MOB1B: variants seen among roughly 807,000 people sequenced by gnomAD.
MOB1B encodes the protein MOB kinase activator 1B.
Under a neutral mutation model 24.4 loss-of-function variants are expected in MOB1B, and 19 were observed. That is an observed-to-expected ratio of 0.78 (90% CI 0.54 to 1.14). MOB1B has a LOEUF of 1.14. MOB1B is among the 50% of genes most tolerant of loss of function. The pLI is 0.00. For synonymous variants in MOB1B, 76 were observed against 82.1 expected, an observed-to-expected ratio of 0.93 and a Z score of 0.40; for missense variants, 243 against 259.6, an observed-to-expected ratio of 0.94 and a Z score of 0.44.
intron 2 of MOB1B, among the ~76,000 whole-genome samples, chr4:70,966,456 C>A (rs1309695135): frequency 6.6e-6 from 1 of 151,460 alleles, no homozygotes; most frequent in African/African-American, 2.4e-5. Flanking sequence ...CTCACCACAA[C>A]CTTTGCCTCC....
Position 70,984,055 on chromosome 4 carries a change from G to C in MOB1B, c.*1998G>C, listed in dbSNP as rs1180929052. 1 of 152,496 alleles carries C rather than the reference G, an allele frequency of 6.6e-6. No individual in the cohort carries two copies. Among genetic ancestry groups the C allele is most frequent in the Non-Finnish European group, 1.5e-5 (1 of 67,958 alleles). 9.4% of individuals were successfully genotyped at this position (152,496 alleles called of 1,614,324 possible). The stretch of plus-strand genomic sequence containing the variant: ...ACTTCATATCAATCTAGTAAAAAAG[G>C]AGTTGCAATAGCCAAGTATAGAGAG... On this transcript the variant is annotated 3_prime_UTR_variant, in exon 6 of 6. Coordinates refer to ENST00000309395, the MANE Select transcript of MOB1B (RefSeq NM_173468.4).
In MOB1B at chr4:70,976,605, CT is replaced by C. The variant is rs1397143956; in HGVS notation, c.409+1324del. The C allele has an allele frequency of 3.0e-6, 3 of 983,774 alleles. No homozygotes were observed. In the South Asian group the frequency reaches 1.4e-4, roughly 46 times the overall value. 60.9% of individuals were successfully genotyped at this position (983,774 alleles called of 1,614,324 possible). On this transcript the variant is annotated intron_variant, in intron 4 of 5. Transcript: ENST00000309395. ...AGAATCTGCTCCTGTAATGTTAGAACTTTTTGACATTTTACGATTTTTTTTG... is the reference window on the plus strand; with the variant it reads ...AGAATCTGCTCCTGTAATGTTAGAACTTTTGACATTTTACGATTTTTTTTG...
intron 2 of MOB1B, among the ~76,000 whole-genome samples, chr4:70,962,247 G>A (rs1453914171): frequency 6.6e-6 from 1 of 152,140 alleles, no homozygotes; most frequent in Non-Finnish European, 1.5e-5. Context: ...CATCACTGTA[G>A]TTGAGATCTC....
chr4:70,929,182 C>CTT (rs11362114), intron 1 of MOB1B, among the ~76,000 whole-genome samples: 3 of 95,116 alleles, frequency 3.2e-5, no homozygotes, highest in African/African-American at 1.0e-4. Flanking sequence ...TTCTTTCTTT[C>CTT]TTTTTTTTTT....
chr4:70,969,127 A>G (rs956275312), intron 2 of MOB1B, among the ~76,000 whole-genome samples: 1 of 152,076 alleles, frequency 6.6e-6, no homozygotes, highest in African/African-American at 2.4e-5. Flanking sequence ...TGCTTTATAA[A>G]TCTTAATACT....
At chr4:70,939,700 C>CA (rs573530860) in intron 1 of MOB1B, among the ~76,000 whole-genome samples, 137 of 152,336 alleles carry the variant, frequency 9.0e-4, no homozygotes, top group African/African-American at 2.8e-3. Context: ...CAAACCTCTA[C>CA]AGGGAGTGTG....
intron 1 of MOB1B, among the ~76,000 whole-genome samples, chr4:70,920,769 T>A (rs1736404852): frequency 6.6e-6 from 1 of 152,176 alleles, no homozygotes; most frequent in Non-Finnish European, 1.5e-5. Context: ...GTTTACAGAT[T>A]TTTGGGGGAA....
At chr4:70,959,593 C>T (rs1379316688) in intron 2 of MOB1B, among the ~76,000 whole-genome samples, 1 of 152,204 alleles carries the variant, frequency 6.6e-6, no homozygotes, top group African/African-American at 2.4e-5. Context: ...TTACTATCTT[C>T]ATTATAATAA....
At chr4:70,970,106 A>G in intron 3 of MOB1B, 82 bp downstream of exon 3, 1 of 774,654 alleles carries the variant, frequency 1.3e-6, no homozygotes, top group East Asian at 2.6e-5. Context: ...TGACCATATG[A>G]TTTTTCTACT....
At chr4:70,976,601 A>C in intron 4 of MOB1B, 3 of 985,024 alleles carry the variant, frequency 3.0e-6, no homozygotes, top group Non-Finnish European at 3.6e-6. Context: ...CTGTAATGTT[A>C]GAACTTTTTG....
At chr4:70,948,559 G>A (rs560802286) in intron 1 of MOB1B, among the ~76,000 whole-genome samples, 1 of 151,870 alleles carries the variant, frequency 6.6e-6, no homozygotes, top group Non-Finnish European at 1.5e-5. Flanking sequence ...CCTGTTTTTT[G>A]AATATAATAG....
At position 70,979,162 on chromosome 4, in the gene MOB1B, A is replaced by T. The variant is rs1403361222; in HGVS notation, c.444A>T (p.Ala148=). ...TCCCAAAGAATTTCATGTCTGTGGCAAAAACTATACTCAAACGCCTCTTTA... is the reference window on the plus strand; with the variant it reads ...TCCCAAAGAATTTCATGTCTGTGGCTAAAACTATACTCAAACGCCTCTTTA... ...VPFPKNFMSV[A]KTILKRLFRV... The change falls in exon 5 of 6, where the codon GCA becomes GCT. Residue 148 remains alanine (A), a synonymous_variant. Transcript: ENST00000309395. The T allele has an allele frequency of 1.9e-6, 3 of 1,613,480 alleles. No individual in the cohort carries two copies. In the African/African-American group the frequency reaches 4.0e-5, roughly 22 times the overall value.
intron 2 of MOB1B, among the ~76,000 whole-genome samples, chr4:70,959,501 A>G (rs1738211200): frequency 6.6e-6 from 1 of 152,190 alleles, no homozygotes; most frequent in Non-Finnish European, 1.5e-5. Context: ...GGCACTAGTC[A>G]CCACATCCAG....
At chr4:70,918,628 C>G (rs1277243348) in intron 1 of MOB1B, among the ~76,000 whole-genome samples, 1 of 151,732 alleles carries the variant, frequency 6.6e-6, no homozygotes, top group Non-Finnish European at 1.5e-5. Flanking sequence ...AATTTTCTCC[C>G]ATTTTGTAGG....
Position 70,982,298 on chromosome 4 carries a change from T to G in MOB1B, c.*241T>G. The G allele has an allele frequency of 3.1e-6, 1 of 318,944 alleles. No individual in the cohort carries two copies. The highest frequency in any genetic ancestry group is 4.9e-5 in the Admixed American group (1 of 20,590). 19.8% of individuals were successfully genotyped at this position (318,944 alleles called of 1,614,324 possible). ...TTTATCTTAGTGTTTTTAAACTTGGTTTTGGTTACTTGAGGAGTTTTTTAA... is the reference window on the plus strand; with the variant it reads ...TTTATCTTAGTGTTTTTAAACTTGGGTTTGGTTACTTGAGGAGTTTTTTAA... On this transcript the variant is annotated 3_prime_UTR_variant, in exon 6 of 6. Coordinates refer to ENST00000309395, the MANE Select transcript of MOB1B (RefSeq NM_173468.4).
chr4:70,921,351 G>A (rs1401754150), intron 1 of MOB1B, among the ~76,000 whole-genome samples: 3 of 152,126 alleles, frequency 2.0e-5, no homozygotes, highest in Non-Finnish European at 4.4e-5. Context: ...TAAACATAAT[G>A]TGAAGCAATG....
intron 1 of MOB1B, among the ~76,000 whole-genome samples, chr4:70,914,683 G>A (rs1679049716): frequency 6.6e-6 from 1 of 152,146 alleles, no homozygotes; most frequent in African/African-American, 2.4e-5. Context: ...GTTCATTCTA[G>A]CCTTCTCCTT....
At chr4:70,970,270 T>C (rs1301186136) in intron 3 of MOB1B, among the ~76,000 whole-genome samples, 1 of 152,164 alleles carries the variant, frequency 6.6e-6, no homozygotes, top group Non-Finnish European at 1.5e-5. Flanking sequence ...GTTCCCTCCA[T>C]TACGTACTTC....
intron 2 of MOB1B, among the ~76,000 whole-genome samples, chr4:70,965,316 A>AC (rs1380802098): frequency 1.3e-5 from 2 of 150,398 alleles, no homozygotes; most frequent in Non-Finnish European, 3.0e-5. Context: ...AAAAAAAAAA[A>AC]AAAAGTGGTT....
Sources: gnomAD v4.1 joint callset for allele counts (sites outside exome capture counted in the v4.1 genomes callset) on GRCh38, gnomAD v4.1.1 for gene constraint, MANE v1.5 for transcripts, NCBI Gene and HGNC (gene_info 2026-07-23, HGNC 2026-07-21) for gene names.